The following SLC6A6 variants were observed in gnomAD, a reference collection of about 807,000 sequenced individuals.
SLC6A6 encodes the protein sodium- and chloride-dependent taurine transporter.
SLC6A6 carries 16 observed loss-of-function variants against 68.8 expected under a neutral mutation model. The ratio of observed to expected loss-of-function variants is 0.23; its 90% CI spans 0.16 to 0.35. The LOEUF (loss-of-function observed/expected upper bound fraction) is 0.35. Ranked by LOEUF, SLC6A6 falls within the 10% of genes least tolerant of loss-of-function variation. SLC6A6 has a pLI of 1.00. For synonymous variants in SLC6A6, 312 were observed against 315.4 expected, an observed-to-expected ratio of 0.99 and a Z score of 0.12; for missense variants, 474 against 802.8, an observed-to-expected ratio of 0.59 and a Z score of 4.95.
At chr3:14,441,671 C>G (rs1159673498) in intron 2 of SLC6A6, among the ~76,000 whole-genome samples, 2 of 152,214 alleles carry the variant, frequency 1.3e-5, no homozygotes, top group African/African-American at 4.8e-5. Flanking sequence ...GGCCCAGCAG[C>G]TGGGGCCAAG....
At chr3:14,475,315 A>AG (rs200515573) in intron 10 of SLC6A6, among the ~76,000 whole-genome samples, 9,093 of 151,996 alleles carry the variant, frequency 0.06, 295 homozygotes, top group East Asian at 0.16. Flanking sequence ...TACAGACGTG[A>AG]ACCACTGCAC....
intron 9 of SLC6A6, among the ~76,000 whole-genome samples, chr3:14,470,516 T>C (rs1216390416): frequency 6.6e-6 from 1 of 152,040 alleles, no homozygotes; most frequent in Admixed American, 6.6e-5. Flanking sequence ...GCTCAGACCC[T>C]CTCCCAGAGG....
intron 6 of SLC6A6, among the ~76,000 whole-genome samples, chr3:14,459,006 G>A (rs979553746): frequency 2.0e-5 from 3 of 152,214 alleles, no homozygotes; most frequent in African/African-American, 7.2e-5. Context: ...ACTGTTCCCT[G>A]AAAACCTAGA....
intron 3 of SLC6A6, chr3:14,444,934 C>A (rs964521394): frequency 1.1e-5 from 5 of 444,496 alleles, no homozygotes; most frequent in Non-Finnish European, 2.3e-5. Context: ...ACCGGAGATG[C>A]CTACCCTCTG....
At chr3:14,465,259 G>A (rs553340117) in intron 6 of SLC6A6, among the ~76,000 whole-genome samples, 1 of 152,372 alleles carries the variant, frequency 6.6e-6, no homozygotes, top group African/African-American at 2.4e-5. Context: ...CAGGACAAGA[G>A]GAGAGAAGGT....
In SLC6A6 at chr3:14,486,138, C is replaced by T. The variant is rs141567754; in HGVS notation, c.*1131C>T. 189 of 152,786 alleles carry T rather than the reference C, an allele frequency of 1.2e-3. No individual in the cohort carries two copies. The highest frequency in any genetic ancestry group is 4.4e-3 in the African/African-American group (183 of 41,560). 9.5% of individuals were successfully genotyped at this position (152,786 alleles called of 1,614,324 possible). ...AGGTGAGTGGACCAAAGGATATAGG[C>T]CCCAGGCATGCAGATGGGCCCGGTG... On this transcript the variant is annotated 3_prime_UTR_variant, in exon 15 of 15. Transcript: ENST00000622186.
intron 2 of SLC6A6, among the ~76,000 whole-genome samples, chr3:14,417,733 A>G (rs112221116): frequency 3.2e-4 from 32 of 100,866 alleles, no homozygotes; most frequent in East Asian, 1.6e-3. Context: ...CTCCGTCTCG[A>G]AAAAAAAAAA....
chr3:14,448,596 A>C (rs1700186508), intron 5 of SLC6A6, among the ~76,000 whole-genome samples: 1 of 152,218 alleles, frequency 6.6e-6, no homozygotes, highest in South Asian at 2.1e-4. Context: ...CTCTGTCTGT[A>C]TCATTTTTGT....
At chr3:14,467,742 A>G in intron 7 of SLC6A6, 111 bp from the exon 8 acceptor site, 1 of 643,890 alleles carries the variant, frequency 1.6e-6, no homozygotes, top group Non-Finnish European at 2.8e-6. Flanking sequence ...TGCATGTGCA[A>G]GGTCCCGTCC....
intron 9 of SLC6A6, among the ~76,000 whole-genome samples, chr3:14,470,267 G>A (rs1296343772): frequency 2.6e-5 from 4 of 152,194 alleles, no homozygotes; most frequent in Admixed American, 6.5e-5. Flanking sequence ...ATTCCCCACG[G>A]TGATGTCTGA....
At chr3:14,432,882 G>A (rs868771296) in intron 2 of SLC6A6, 10 of 152,330 alleles carry the variant, frequency 6.6e-5, no homozygotes, top group African/African-American at 2.4e-4. Flanking sequence ...TGGTGTCCAG[G>A]GTCCCCTCAG....
At chr3:14,444,062 A>G (rs2124944732) in intron 3 of SLC6A6, 199 bp downstream of exon 3, 1 of 572,276 alleles carries the variant, frequency 1.7e-6, no homozygotes, top group African/African-American at 1.9e-5. Context: ...GAATCAGAGT[A>G]CTGTTCTGCA....
rs1052556605 is a variant in SLC6A6 at position 14,468,228 on chromosome 3, T to G, written c.1096+16T>G. 2 of 1,608,772 alleles carry G rather than the reference T, an allele frequency of 1.2e-6. No individual in the cohort carries two copies. Among genetic ancestry groups the G allele is most frequent in the African/African-American group, 2.7e-5 (2 of 74,092 alleles). ...GCTGAGTCAGGTACGGTGGTATCGG[T>G]GGCAGTGGTGGTGGGCACTGCCACC... On this transcript the variant is annotated intron_variant, in intron 9 of 14. Coordinates refer to ENST00000622186, the MANE Select transcript of SLC6A6 (RefSeq NM_003043.6). The surrounding 1 kb of genome is among the most constrained non-coding windows in gnomAD (Gnocchi z 4.5).
chr3:14,421,517 G>C (rs2124911812), intron 2 of SLC6A6, among the ~76,000 whole-genome samples: 1 of 152,360 alleles, frequency 6.6e-6, no homozygotes, highest in East Asian at 1.9e-4. Flanking sequence ...TTCTAACTGT[G>C]AACGTTAGCT....
At chr3:14,473,973 G>C (rs1700812976) in intron 10 of SLC6A6, among the ~76,000 whole-genome samples, 1 of 152,216 alleles carries the variant, frequency 6.6e-6, no homozygotes, top group Admixed American at 6.5e-5. Context: ...GGGGCCTGGT[G>C]GAGGACACGC....
intron 6 of SLC6A6, 128 bp downstream of exon 6, chr3:14,458,210 CCCGCCCTCTGG>C: frequency 1.2e-6 from 1 of 807,648 alleles, no homozygotes; most frequent in Admixed American, 2.2e-5. Flanking sequence ...TGCTGGTAAG[CCCGCCCTCTGG>C]AAAAAAGTAA....
intron 2 of SLC6A6, among the ~76,000 whole-genome samples, chr3:14,434,174 C>T (rs1172154765): frequency 1.3e-5 from 2 of 152,188 alleles, no homozygotes; most frequent in African/African-American, 4.8e-5. Flanking sequence ...TCCCTAGAGC[C>T]GAGCTTCTGG....
Position 14,477,711 on chromosome 3 carries a change from C to T in SLC6A6, c.1347+369C>T, listed in dbSNP as rs113341655. On this transcript the variant is annotated intron_variant, in intron 11 of 14. Coordinates refer to ENST00000622186, the MANE Select transcript of SLC6A6 (RefSeq NM_003043.6). The surrounding 1 kb of genome is among the most constrained non-coding windows in gnomAD (Gnocchi z 4.2). ...CATTCTCAAGGGTAAACGCAGGCCT[C>T]CCAGGAAATACCACAGCACCACGTA... 0.029 allele frequency among the ~76,000 whole-genome samples: 4,345 copies of T among 152,270 alleles called. 86 individuals are homozygous for T. Among genetic ancestry groups the T allele is most frequent in the Non-Finnish European group, 0.044 (3,021 of 68,020 alleles).
At chr3:14,419,337 C>T (rs771036545) in intron 2 of SLC6A6, among the ~76,000 whole-genome samples, 9 of 152,162 alleles carry the variant, frequency 5.9e-5, no homozygotes, top group Admixed American at 1.3e-4. Flanking sequence ...GCTAGGTGTG[C>T]GCCCTCCTCA....
Sources: gnomAD v4.1 joint callset for allele counts (sites outside exome capture counted in the v4.1 genomes callset) on GRCh38, gnomAD v4.1.1 for gene constraint, Gnocchi (gnomAD v3.1) non-coding constraint, MANE v1.5 for transcripts, NCBI Gene and HGNC (gene_info 2026-07-23, HGNC 2026-07-21) for gene names.